DCC: variants seen among roughly 807,000 people sequenced by gnomAD.
The protein encoded by DCC is netrin receptor DCC.
DCC carries 58 observed loss-of-function variants against 172.5 expected under a neutral mutation model. The observed-to-expected ratio is 0.34, with a 90% CI of 0.27 to 0.42. The LOEUF (loss-of-function observed/expected upper bound fraction) is 0.42, where lower values mean the gene tolerates loss of function less well. DCC is among the 10% of genes least tolerant of loss of function. DCC has a pLI of 1.00. For synonymous variants in DCC, 709 were observed against 644.5 expected (o/e 1.10, Z -1.52); for missense variants, 1,740 against 1,791.0 (o/e 0.97, Z 0.51).
At chr18:52,694,320 TTCCTGATTAGA>T (rs775320982) in intron 1 of DCC, among the ~76,000 whole-genome samples, 1 of 152,126 alleles carries the variant, frequency 6.6e-6, no homozygotes, top group African/African-American at 2.4e-5. Flanking sequence ...CAATGTGTGA[TTCCTGATTAGA>T]TCCTGAGGAA....
At chr18:53,072,491 G>C (rs1229034599) in intron 7 of DCC, among the ~76,000 whole-genome samples, 1 of 152,186 alleles carries the variant, frequency 6.6e-6, no homozygotes. Flanking sequence ...TGCAGCGGAA[G>C]GTTGTTGGAA....
chr18:52,367,134 G>A (rs1297350762), intron 1 of DCC, among the ~76,000 whole-genome samples: 1 of 152,232 alleles, frequency 6.6e-6, no homozygotes, highest in Non-Finnish European at 1.5e-5. Flanking sequence ...ACCCTCCACA[G>A]CCACTGGCCC....
At chr18:53,033,375 C>T (rs1372396517) in intron 5 of DCC, among the ~76,000 whole-genome samples, 1 of 152,168 alleles carries the variant, frequency 6.6e-6, no homozygotes, top group East Asian at 1.9e-4. Context: ...TTCCCAAGCA[C>T]TGTGAGATGG....
rs568014796 is a variant in DCC, at chr18:53,484,262, G to A, written c.3737-2535G>A. Among the ~76,000 whole-genome samples the A allele has an allele frequency of 2.0e-5, 3 of 151,726 alleles. No homozygotes were observed. The East Asian group carries it at 5.8e-4, about 29-fold the overall frequency. On this transcript the variant is annotated intron_variant, in intron 25 of 28. Transcript: ENST00000442544. The stretch of plus-strand genomic sequence containing the variant: ...ACTCATTCAAGTTATTTACTTTCTT[G>A]TTTTCTAGGAGGTTCACAATAAAAA...
intron 7 of DCC, among the ~76,000 whole-genome samples, chr18:53,156,131 A>C (rs2054729738): frequency 6.6e-6 from 1 of 152,166 alleles, no homozygotes; most frequent in African/African-American, 2.4e-5. Context: ...TTGTACACCT[A>C]CTTGGGCTGT....
chr18:53,468,342 T>TTTTATTTATTTATTTATTTA (rs60585459), intron 25 of DCC, among the ~76,000 whole-genome samples: 16,895 of 130,110 alleles, frequency 0.13, 1,359 homozygotes, highest in East Asian at 0.29. Flanking sequence ...CATAGTTTAT[T>TTTTATTTATTTATTTATTTA]TTTATTTATT....
intron 1 of DCC, among the ~76,000 whole-genome samples, chr18:52,638,333 C>T (rs1382937717): frequency 6.6e-6 from 1 of 151,930 alleles, no homozygotes; most frequent in Non-Finnish European, 1.5e-5. Flanking sequence ...GCAATGGTAC[C>T]TCACATTTCA....
chr18:53,512,535 C>A (rs1005661366), intron 27 of DCC, among the ~76,000 whole-genome samples: 60 of 145,990 alleles, frequency 4.1e-4, no homozygotes, highest in African/African-American at 1.4e-3. Flanking sequence ...GACATTCAAA[C>A]CAAAGGCAAA....
chr18:52,949,696 A>G (rs1191973324), intron 5 of DCC, among the ~76,000 whole-genome samples: 1 of 152,188 alleles, frequency 6.6e-6, no homozygotes, highest in Non-Finnish European at 1.5e-5. Context: ...TGCTGGTCTC[A>G]GCTCTCTTGA....
intron 1 of DCC, among the ~76,000 whole-genome samples, chr18:52,591,502 C>T (rs1380548609): frequency 6.6e-6 from 1 of 151,906 alleles, no homozygotes; most frequent in Non-Finnish European, 1.5e-5. Context: ...ATTGTTTATG[C>T]CCTCCTGCTT....
Position 53,450,529 on chromosome 18 carries a change from C to T in DCC, c.3259C>T (p.His1087Tyr). The change falls in exon 23 of 29, where the codon CAT becomes TAT. Residue 1087 changes from histidine to tyrosine, a missense_variant. His to Tyr is a moderately conservative substitution (Grantham distance 83). Around this residue, in one of 2 missense-constraint regions of DCC, gnomAD observed 1,732 missense variants for 1,767.4 expected, o/e 0.98. Transcript: ENST00000442544. ...GCCAATTGGACAAATGCACCCCCCGCATGGCAGTGTCACTCCTCAGAAGAA... is the reference window on the plus strand; with the variant it reads ...GCCAATTGGACAAATGCACCCCCCGTATGGCAGTGTCACTCCTCAGAAGAA... ...EPPIGQMHPPHGSVTPQKNSN... is the reference protein window; with the variant it reads ...EPPIGQMHPPYGSVTPQKNSN... 1 of 1,614,040 alleles carries T rather than the reference C, an allele frequency of 6.2e-7. No individual in the cohort carries two copies.
intron 1 of DCC, among the ~76,000 whole-genome samples, chr18:52,544,621 T>C (rs1005594426): frequency 1.3e-5 from 2 of 152,288 alleles, no homozygotes; most frequent in Admixed American, 6.5e-5. Flanking sequence ...ATTCCATGCA[T>C]GTCAAGGCTT....
intron 5 of DCC, among the ~76,000 whole-genome samples, chr18:53,039,930 C>A (rs2042146379): frequency 6.6e-6 from 1 of 151,896 alleles, no homozygotes; most frequent in Non-Finnish European, 1.5e-5. Flanking sequence ...ATTGTCTGTG[C>A]AGCTGCAGTG....
At chr18:53,109,345 A>T (rs1205327380) in intron 7 of DCC, among the ~76,000 whole-genome samples, 1 of 151,530 alleles carries the variant, frequency 6.6e-6, no homozygotes, top group African/African-American at 2.4e-5. Flanking sequence ...CCAATACTGG[A>T]TATCTGGTAT....
chr18:52,530,797 G>A (rs2032127776), intron 1 of DCC, among the ~76,000 whole-genome samples: 1 of 152,164 alleles, frequency 6.6e-6, no homozygotes, highest in Non-Finnish European at 1.5e-5. Context: ...GAGAGAGATT[G>A]TTTCCTTACT....
chr18:53,260,986 C>T (rs1051422837), intron 12 of DCC, among the ~76,000 whole-genome samples: 2 of 152,120 alleles, frequency 1.3e-5, no homozygotes, highest in African/African-American at 4.8e-5. Context: ...TTCCGTGGGC[C>T]TTGGACCCTC....
chr18:53,330,044 A>G (rs999953514), intron 14 of DCC, among the ~76,000 whole-genome samples: 17 of 152,236 alleles, frequency 1.1e-4, no homozygotes, highest in Non-Finnish European at 7.3e-5. Context: ...ACTAGTTGAC[A>G]GTGGTTGATT....
intron 7 of DCC, among the ~76,000 whole-genome samples, chr18:53,096,044 T>C (rs1304517813): frequency 6.6e-6 from 1 of 152,060 alleles, no homozygotes; most frequent in Non-Finnish European, 1.5e-5. Flanking sequence ...CCCTGAGATA[T>C]ACCTAATGCT....
At chr18:52,427,355 C>G (rs980280438) in intron 1 of DCC, among the ~76,000 whole-genome samples, 1 of 151,828 alleles carries the variant, frequency 6.6e-6, no homozygotes, top group African/African-American at 2.4e-5. Context: ...TCTATGATCA[C>G]TTTTTGAGAA....
Sources: gnomAD v4.1 joint callset for allele counts (sites outside exome capture counted in the v4.1 genomes callset) on GRCh38, gnomAD v4.1.1 for gene constraint, gnomAD v4.1.1 regional missense constraint, MANE v1.5 for transcripts, NCBI Gene and HGNC (gene_info 2026-07-23, HGNC 2026-07-21) for gene names.